Variants in UAP1 observed in about 807,000 individuals in gnomAD.
UAP1 encodes the protein UDP-N-acetylhexosamine pyrophosphorylase.
In UAP1, 25 loss-of-function variants were observed where a neutral mutation model predicts 58.5. The ratio of observed to expected loss-of-function variants is 0.43; its 90% CI spans 0.31 to 0.60. UAP1 has a LOEUF of 0.60. Ranked by LOEUF, UAP1 falls within the 20% of genes least tolerant of loss-of-function variation. UAP1 has a pLI of 0.11. For synonymous variants in UAP1, 208 were observed against 213.0 expected (o/e 0.98, Z 0.21); for missense variants, 575 against 630.0 (o/e 0.91, Z 0.93).
exon 11 of UAP1, chr1:162,599,332 G>T: frequency 6.2e-7 from 1 of 1,612,036 alleles, no homozygotes; most frequent in East Asian, 2.2e-5. Flanking sequence ...GATGAGAATG[G>T]AGTTCATGAG....
intron 5 of UAP1, 127 bp downstream of exon 5, chr1:162,581,586 A>T: frequency 1.0e-6 from 1 of 990,844 alleles, no homozygotes; most frequent in Non-Finnish European, 1.4e-6. Flanking sequence ...CTCTAAAGTA[A>T]CTAAACGGTC....
chr1:162,587,489 G>A (rs753260765), exon 6 of UAP1: 5 of 1,607,464 alleles, frequency 3.1e-6, no homozygotes, highest in East Asian at 2.2e-5. Flanking sequence ...TAGAGAAAAC[G>A]AACCCTACAG....
chr1:162,597,605 G>A (rs1180396265), intron 9 of UAP1, 187 bp from the exon 10 acceptor site: 6 of 526,324 alleles, frequency 1.1e-5, no homozygotes, highest in Non-Finnish European at 2.0e-5. Flanking sequence ...GTGTCCTTCT[G>A]ACCTGAGAAT....
At chr1:162,590,173 C>T (rs947816236) in intron 7 of UAP1, 150 bp from the exon 8 acceptor site, 3 of 541,102 alleles carry the variant, frequency 5.5e-6, no homozygotes, top group Non-Finnish European at 9.1e-6. Flanking sequence ...TTTCAGCTTT[C>T]TTTAGTCCAA....
chr1:162,596,605 C>T lies in UAP1; in HGVS notation c.1410-1187C>T, dbSNP rs1478428066. Among the ~76,000 whole-genome samples the T allele has an allele frequency of 3.3e-5, 5 of 152,264 alleles. No homozygotes were observed. The East Asian group carries it at 9.6e-4, about 29-fold the overall frequency. On this transcript the variant is annotated intron_variant, in intron 9 of 10. Coordinates refer to ENST00000271469, the Ensembl canonical transcript of UAP1. ...TTTATGGGACCATAGTTGAGAATGA[C>T]TTGGAATAATCCAAAGAGTGTGACT...
At chr1:162,582,106 A>G (rs938589739) in intron 5 of UAP1, among the ~76,000 whole-genome samples, 3 of 152,210 alleles carry the variant, frequency 2.0e-5, no homozygotes, top group Admixed American at 6.5e-5. Flanking sequence ...AATAAAATAG[A>G]CAGCAAACAT....
At chr1:162,562,090 G>C (rs1411353048) in intron 1 of UAP1, among the ~76,000 whole-genome samples, 2 of 152,190 alleles carry the variant, frequency 1.3e-5, no homozygotes, top group Non-Finnish European at 2.9e-5. Context: ...GGCGTTGTGG[G>C]AGGAGGTCTG....
exon 3 of UAP1, chr1:162,576,836 A>T (rs1331237816): frequency 6.2e-7 from 1 of 1,614,018 alleles, no homozygotes; most frequent in African/African-American, 1.3e-5. Context: ...TGGGCAGGGG[A>T]CAAGACTCGG....
At chr1:162,591,089 G>C (rs868067645) in intron 8 of UAP1, among the ~76,000 whole-genome samples, 16 of 152,012 alleles carry the variant, frequency 1.1e-4, no homozygotes, top group South Asian at 8.3e-4. Context: ...ACCACACCCA[G>C]CTAATTTTTA....
intron 2 of UAP1, among the ~76,000 whole-genome samples, chr1:162,573,983 A>G (rs1039464253): frequency 6.6e-6 from 1 of 151,930 alleles, no homozygotes; most frequent in Non-Finnish European, 1.5e-5. Context: ...AAGAAGAAAT[A>G]GCTGGAATGA....
chr1:162,590,332 G>A (rs759894111), exon 8 of UAP1: 1 of 1,609,560 alleles, frequency 6.2e-7, no homozygotes, highest in Non-Finnish European at 8.5e-7. Flanking sequence ...GGAAGTTTGT[G>A]GTATATGAAG....
In UAP1 at chr1:162,572,493, T is replaced by C. The variant is rs58863874; in HGVS notation, c.281-4284T>C. ...TTTTACCTTTTTCAGGTCAGTTAGCTGAGGGAAATAACTTTCCTGGGACTG... is the reference window on the plus strand; with the variant it reads ...TTTTACCTTTTTCAGGTCAGTTAGCCGAGGGAAATAACTTTCCTGGGACTG... On this transcript the variant is annotated intron_variant, in intron 2 of 10. Transcript: ENST00000271469. 2.0e-3 allele frequency among the ~76,000 whole-genome samples: 306 copies of C among 152,292 alleles called. 6 individuals are homozygous for C. In the East Asian group the frequency reaches 0.05, roughly 25 times the overall value.
chr1:162,589,197 TA>T (rs1655131952), intron 7 of UAP1, among the ~76,000 whole-genome samples: 2 of 62,588 alleles, frequency 3.2e-5, no homozygotes, highest in East Asian at 4.6e-4. Flanking sequence ...ATATATTATA[TA>T]TTATATTTAA....
At chr1:162,572,541 A>G (rs997870496) in intron 2 of UAP1, among the ~76,000 whole-genome samples, 2 of 152,214 alleles carry the variant, frequency 1.3e-5, no homozygotes, top group Non-Finnish European at 2.9e-5. Context: ...AGAAGTCAGG[A>G]AGAAGGTTGG....
At chr1:162,585,978 A>G (rs1434242575) in intron 5 of UAP1, among the ~76,000 whole-genome samples, 2 of 152,194 alleles carry the variant, frequency 1.3e-5, no homozygotes, top group Non-Finnish European at 2.9e-5. Context: ...TCCTCGGTAG[A>G]AAGTTTCTTT....
intron 5 of UAP1, among the ~76,000 whole-genome samples, chr1:162,586,250 G>A (rs573632024): frequency 2.0e-5 from 3 of 152,240 alleles, no homozygotes; most frequent in East Asian, 1.9e-4. Context: ...GTCAAATTGG[G>A]GACAGAGTTT....
intron 9 of UAP1, 71 bp downstream of exon 9, chr1:162,592,853 A>C: frequency 7.3e-7 from 1 of 1,367,934 alleles, no homozygotes; most frequent in South Asian, 1.3e-5. Flanking sequence ...CTGGCATCGT[A>C]GTTTAGTGCT....
chr1:162,592,234 T>C (rs1655358004), intron 8 of UAP1, among the ~76,000 whole-genome samples: 1 of 152,030 alleles, frequency 6.6e-6, no homozygotes, highest in Non-Finnish European at 1.5e-5. Flanking sequence ...CTACTAAATA[T>C]ACAAAATTAG....
intron 4 of UAP1, among the ~76,000 whole-genome samples, chr1:162,580,312 A>G (rs918297396): frequency 6.6e-6 from 1 of 152,230 alleles, no homozygotes; most frequent in Non-Finnish European, 1.5e-5. Context: ...CATTAAAATA[A>G]TTGGTGGCAT....
Sources: allele counts gnomAD v4.1 joint callset (sites outside exome capture counted in the v4.1 genomes callset), GRCh38; gene constraint gnomAD v4.1.1; transcripts MANE v1.5; gene names NCBI Gene and HGNC (gene_info 2026-07-23, HGNC 2026-07-21).